GIPC2: variants seen among roughly 807,000 people sequenced by gnomAD.
The protein encoded by GIPC2 is PDZ domain-containing protein GIPC2.
Under a neutral mutation model 30.6 loss-of-function variants are expected in GIPC2, and 30 were observed. That is an observed-to-expected ratio of 0.98 (90% CI 0.73 to 1.33). The LOEUF is 1.33. Among genes scored for constraint, GIPC2 ranks in the 40% most tolerant of loss-of-function variants. GIPC2 has a pLI of 0.00. For missense variants in GIPC2, 414 were observed against 390.3 expected, an observed-to-expected ratio of 1.06 and a Z score of -0.51; for synonymous variants, 167 against 150.0, an observed-to-expected ratio of 1.11 and a Z score of -0.83.
intron 2 of GIPC2, among the ~76,000 whole-genome samples, chr1:78,089,756 A>G (rs901593634): frequency 6.6e-6 from 1 of 152,248 alleles, no homozygotes; most frequent in African/African-American, 2.4e-5. Flanking sequence ...TAATCAGAAA[A>G]TTAAGAGCAT....
intron 3 of GIPC2, among the ~76,000 whole-genome samples, chr1:78,113,539 T>C (rs1662511207): frequency 6.6e-6 from 1 of 152,174 alleles, no homozygotes; most frequent in South Asian, 2.1e-4. Context: ...AGGTACATGC[T>C]ACCCTGTCTG....
rs927053225 is a variant in GIPC2, at chr1:78,091,364, A to T, written c.427-3588A>T. 3.3e-5 allele frequency: 16 copies of T among 490,322 alleles called. No individual in the cohort carries two copies. In the Admixed American group the frequency reaches 5.1e-4, roughly 16 times the overall value. The allele number at this position is 490,322 out of a possible 1,614,324, so 30.4% of individuals were successfully genotyped here. On this transcript the variant is annotated intron_variant, in intron 2 of 5. Coordinates refer to ENST00000370759, the MANE Select transcript of GIPC2 (RefSeq NM_017655.6). ...AAGTTGCTGATCATGGCGACTGGAC[A>T]TGTAGCTCAGAGTCTGGTGCTTAAG... is the stretch of plus-strand genomic sequence containing the variant.
intron 2 of GIPC2, among the ~76,000 whole-genome samples, chr1:78,084,510 C>CAAA (rs11432277): frequency 1.6e-4 from 21 of 128,952 alleles, no homozygotes; most frequent in South Asian, 1.5e-3. Context: ...GACTCTGTCT[C>CAAA]AAAAAAAAAA....
intron 3 of GIPC2, among the ~76,000 whole-genome samples, chr1:78,115,176 A>T (rs891839744): frequency 1.3e-5 from 2 of 150,446 alleles, no homozygotes; most frequent in South Asian, 2.1e-4. Context: ...TTTTATTTTT[A>T]TTTTTTTTTC....
At chr1:78,067,287 A>G (rs562377313) in intron 1 of GIPC2, among the ~76,000 whole-genome samples, 174 of 152,112 alleles carry the variant, frequency 1.1e-3, no homozygotes, top group Non-Finnish European at 1.9e-3. Context: ...TTTCTCACTA[A>G]TAAAATGTAC....
At chr1:78,074,289 A>G (rs1045680007) in intron 1 of GIPC2, among the ~76,000 whole-genome samples, 1 of 152,216 alleles carries the variant, frequency 6.6e-6, no homozygotes, top group African/African-American at 2.4e-5. Flanking sequence ...GTAGTAGCAC[A>G]TAGCACATAG....
chr1:78,077,855 T>A (rs951626799), intron 1 of GIPC2, among the ~76,000 whole-genome samples: 14 of 152,148 alleles, frequency 9.2e-5, no homozygotes, highest in Non-Finnish European at 1.6e-4. Context: ...TCATTATCTT[T>A]TGATGAGTGA....
chr1:78,077,915 G>A (rs1432570648), intron 1 of GIPC2, among the ~76,000 whole-genome samples: 2 of 152,086 alleles, frequency 1.3e-5, no homozygotes, highest in African/African-American at 2.4e-5. Flanking sequence ...ACGGCCGGGC[G>A]CGGTGGCTCA....
chr1:78,088,280 C>A (rs189213536), intron 2 of GIPC2, among the ~76,000 whole-genome samples: 16 of 152,222 alleles, frequency 1.1e-4, no homozygotes, highest in Middle Eastern at 3.4e-3. Flanking sequence ...AGCATTCTAC[C>A]ATAAAGACAC....
intron 3 of GIPC2, among the ~76,000 whole-genome samples, chr1:78,116,260 C>G (rs1383896533): frequency 6.6e-6 from 1 of 152,174 alleles, no homozygotes; most frequent in Non-Finnish European, 1.5e-5. Context: ...CACCTCCCAC[C>G]TGGTCTCTCC....
In GIPC2 at chr1:78,119,517, A is replaced by G. The variant is rs1189143142; in HGVS notation, c.714+18A>G. 2 of 1,415,528 alleles carry G rather than the reference A, an allele frequency of 1.4e-6. No homozygotes were observed. Among genetic ancestry groups the G allele is most frequent in the Non-Finnish European group, 2.0e-6 (2 of 1,000,054 alleles). 87.7% of individuals were successfully genotyped at this position (1,415,528 alleles called of 1,614,324 possible). A position where few individuals can be genotyped will look rare whatever the true frequency, so the allele number is the denominator to read the frequency against. ...AAGAAATGGTATGTTATGTTCATTTACTTCCTGTTCTGCTTGGAAATGTTG... is the reference window on the plus strand; with the variant it reads ...AAGAAATGGTATGTTATGTTCATTTGCTTCCTGTTCTGCTTGGAAATGTTG... On this transcript the variant is annotated intron_variant, in intron 4 of 5. Transcript: ENST00000370759.
intron 1 of GIPC2, among the ~76,000 whole-genome samples, chr1:78,063,419 G>C (rs1387995974): frequency 2.6e-5 from 4 of 151,648 alleles, no homozygotes; most frequent in Admixed American, 6.6e-5. Flanking sequence ...TTGAACCTGG[G>C]AAATGGAGGT....
Position 78,066,044 on chromosome 1 carries a change from G to A in GIPC2, c.241-14631G>A, listed in dbSNP as rs575796114. Among the ~76,000 whole-genome samples, 53 of 152,270 alleles carry A rather than the reference G, an allele frequency of 3.5e-4. 2 individuals are homozygous for A. In the South Asian group the frequency reaches 0.01, roughly 29 times the overall value. On this transcript the variant is annotated intron_variant, in intron 1 of 5. Coordinates refer to ENST00000370759, the MANE Select transcript of GIPC2 (RefSeq NM_017655.6). ...CAAGAAAAAGCAAAAATTGACAAAT[G>A]GGATCTAATTAAGCTAAAAAGCTTC...
chr1:78,073,621 T>C (rs1327193984), intron 1 of GIPC2, among the ~76,000 whole-genome samples: 1 of 152,204 alleles, frequency 6.6e-6, no homozygotes, highest in Non-Finnish European at 1.5e-5. Flanking sequence ...TTGGAACATG[T>C]AGAATCTTTG....
chr1:78,053,000 A>G (rs1238352842), intron 1 of GIPC2, among the ~76,000 whole-genome samples: 1 of 152,214 alleles, frequency 6.6e-6, no homozygotes, highest in Non-Finnish European at 1.5e-5. Context: ...AATAGAGAAA[A>G]TAGGGTTTTA....
chr1:78,093,491 A>T (rs373738145), intron 2 of GIPC2, among the ~76,000 whole-genome samples: 19 of 152,248 alleles, frequency 1.2e-4, no homozygotes, highest in African/African-American at 4.6e-4. Flanking sequence ...TGAACATAGC[A>T]ATATTCTTAA....
At chr1:78,114,174 G>T (rs755470592) in intron 3 of GIPC2, among the ~76,000 whole-genome samples, 1 of 152,182 alleles carries the variant, frequency 6.6e-6, no homozygotes, top group Non-Finnish European at 1.5e-5. Context: ...GAGCCCTGGT[G>T]CATCTAGCGA....
intron 5 of GIPC2, among the ~76,000 whole-genome samples, chr1:78,127,685 C>T (rs1662806715): frequency 6.6e-6 from 1 of 152,004 alleles, no homozygotes; most frequent in South Asian, 2.1e-4. Flanking sequence ...CCTGTGTGAA[C>T]TTTTATTTAT....
chr1:78,096,996 G>GCT (rs1294849752), intron 3 of GIPC2, among the ~76,000 whole-genome samples: 4 of 152,148 alleles, frequency 2.6e-5, no homozygotes, highest in African/African-American at 9.7e-5. Flanking sequence ...AAGCCTGGCT[G>GCT]CTCTGCCTGT....
Sources: gnomAD v4.1 joint callset for allele counts (sites outside exome capture counted in the v4.1 genomes callset) on GRCh38, gnomAD v4.1.1 for gene constraint, MANE v1.5 for transcripts, NCBI Gene and HGNC (gene_info 2026-07-23, HGNC 2026-07-21) for gene names.